The following KCTD1 variants were observed in gnomAD, a reference collection of about 807,000 sequenced individuals.
The protein encoded by KCTD1 is BTB/POZ domain-containing protein KCTD1.
A neutral mutation model predicts 66.0 loss-of-function variants in KCTD1; 24 were observed. That is an observed-to-expected ratio of 0.36 (90% CI 0.26 to 0.51). The LOEUF (loss-of-function observed/expected upper bound fraction) is 0.51. Among genes scored for constraint, KCTD1 ranks in the 20% least tolerant of loss-of-function variants. The pLI, the probability that KCTD1 is intolerant of heterozygous loss-of-function variation, is 0.95. For synonymous variants in KCTD1, 511 were observed against 517.2 expected, an observed-to-expected ratio of 0.99 and a Z score of 0.16; for missense variants, 943 against 1,205.2, an observed-to-expected ratio of 0.78 and a Z score of 3.22.
intron 1 of KCTD1, among the ~76,000 whole-genome samples, chr18:26,519,030 A>G (rs1386347584): frequency 6.6e-6 from 1 of 152,222 alleles, no homozygotes; most frequent in African/African-American, 2.4e-5. Flanking sequence ...TGAAGTTACT[A>G]ATTACAAGAA....
At chr18:26,496,992 C>T (rs1982510836) in intron 2 of KCTD1, among the ~76,000 whole-genome samples, 1 of 152,104 alleles carries the variant, frequency 6.6e-6, no homozygotes, top group Non-Finnish European at 1.5e-5. Flanking sequence ...TGGAGCAGGG[C>T]CTTGCATGGC....
At chr18:26,542,774 C>T (rs534889868) in intron 1 of KCTD1, among the ~76,000 whole-genome samples, 8 of 152,140 alleles carry the variant, frequency 5.3e-5, no homozygotes, top group Non-Finnish European at 1.5e-5. Context: ...TCCACTTTCT[C>T]CCTGGCAACA....
At chr18:26,465,196 G>A (rs1466755361) in intron 3 of KCTD1, among the ~76,000 whole-genome samples, 2 of 152,124 alleles carry the variant, frequency 1.3e-5, no homozygotes, top group African/African-American at 4.8e-5. Flanking sequence ...AGATTCTCCT[G>A]CCTCAGCCTC....
At chr18:26,626,445 G>C (rs903654329) in intron 1 of KCTD1, among the ~76,000 whole-genome samples, 3 of 150,600 alleles carry the variant, frequency 2.0e-5, no homozygotes, top group Admixed American at 2.0e-4. Context: ...ATCTGGGAGT[G>C]AGGGAAGGCT....
chr18:26,550,647 G>T (rs933658924), upstream of KCTD1, among the ~76,000 whole-genome samples: 1 of 151,798 alleles, frequency 6.6e-6, no homozygotes. This position sits in a 1 kb window ranked among gnomAD's most constrained non-coding sequence, Gnocchi z 5.4. Flanking sequence ...AACCGTCCGG[G>T]AATCGTCCCC....
chr18:26,558,482 A>C (rs1985761707), intron 1 of KCTD1, among the ~76,000 whole-genome samples: 1 of 152,244 alleles, frequency 6.6e-6, no homozygotes, highest in Non-Finnish European at 1.5e-5. Context: ...GGAAATCAGT[A>C]TATAGAAGAA....
At chr18:26,652,819 A>G (rs574270224) in intron 1 of KCTD1, among the ~76,000 whole-genome samples, 9 of 152,354 alleles carry the variant, frequency 5.9e-5, no homozygotes, top group African/African-American at 2.2e-4. Context: ...TCTCACTGCT[A>G]CTTAATCTGG....
At position 26,476,476 on chromosome 18, in the gene KCTD1, CAT is replaced by C. The variant is rs1389460802; in HGVS notation, c.2133+37_2133+38del. 1 of 1,564,862 alleles carries C rather than the reference CAT, an allele frequency of 6.4e-7. No homozygotes were observed. The highest frequency in any genetic ancestry group is 2.3e-5 in the East Asian group (1 of 44,230). ...TTTTTTGGAGCACATAAAAAAATCACATATTTATGCTATTGGTGATTTAACAT... is the reference window on the plus strand; with the variant it reads ...TTTTTTGGAGCACATAAAAAAATCACATTTATGCTATTGGTGATTTAACAT... On this transcript the variant is annotated intron_variant, in intron 3 of 4. Coordinates refer to ENST00000580059, the MANE Select transcript of KCTD1 (RefSeq NM_001142730.3). The surrounding 1 kb of genome is among the most constrained non-coding windows in gnomAD (Gnocchi z 4.9).
intron 1 of KCTD1, among the ~76,000 whole-genome samples, chr18:26,599,252 A>AGTT (rs1260315995): frequency 6.6e-6 from 1 of 152,170 alleles, no homozygotes; most frequent in African/African-American, 2.4e-5. Flanking sequence ...TTCCAGCAAA[A>AGTT]GTTGTTGAAA....
intron 1 of KCTD1, among the ~76,000 whole-genome samples, chr18:26,647,519 CAAAAAAAAAAAAAAAAAAAAAAAA>C (rs57856118): frequency 1.7e-5 from 1 of 57,306 alleles, no homozygotes; most frequent in African/African-American, 5.8e-5. Context: ...GACTCCATCT[CAAAAAAAAAAAAAAAAAAAAAAAA>C]AAAAAAAAAA....
upstream of KCTD1, chr18:26,549,072 CG>C: frequency 1.0e-6 from 1 of 985,076 alleles, no homozygotes; most frequent in Non-Finnish European, 1.2e-6. Context: ...GGTGCTGCCG[CG>C]GGAAACCCGT....
chr18:26,574,413 G>T (rs920917495), intron 1 of KCTD1, among the ~76,000 whole-genome samples: 1 of 152,126 alleles, frequency 6.6e-6, no homozygotes, highest in Non-Finnish European at 1.5e-5. Flanking sequence ...CACTAAAAAT[G>T]GTTCCCAGTT....
intron 1 of KCTD1, among the ~76,000 whole-genome samples, chr18:26,597,335 T>G (rs1265443350): frequency 6.6e-6 from 1 of 151,718 alleles, no homozygotes; most frequent in African/African-American, 2.4e-5. Context: ...AAACTTGAGG[T>G]GTGGAGACTG....
intron 1 of KCTD1, among the ~76,000 whole-genome samples, chr18:26,516,241 T>C (rs1983649654): frequency 6.6e-6 from 1 of 152,110 alleles, no homozygotes; most frequent in Non-Finnish European, 1.5e-5. Flanking sequence ...CAGACTAGTT[T>C]TACCTCCTCA....
chr18:26,476,769 T>G lies in KCTD1; in HGVS notation c.1989-110A>C. On this transcript the variant is annotated intron_variant, in intron 2 of 4. Coordinates refer to ENST00000580059, the MANE Select transcript of KCTD1 (RefSeq NM_001142730.3). The surrounding 1 kb of genome is among the most constrained non-coding windows in gnomAD (Gnocchi z 4.9). ...AAGGTAGCACTTTTGAAGATGGCAG[T>G]AGGGAAAAATTACGATTGTCTGCAA... 2.2e-6 allele frequency: 2 copies of G among 906,674 alleles called. No individual in the cohort carries two copies. The highest frequency in any genetic ancestry group is 3.4e-6 in the Non-Finnish European group (2 of 586,532). 56.2% of individuals were successfully genotyped at this position (906,674 alleles called of 1,614,324 possible). A position where few individuals can be genotyped will look rare whatever the true frequency, so the allele number is the denominator to read the frequency against.
chr18:26,635,736 T>C (rs976665528), intron 1 of KCTD1, among the ~76,000 whole-genome samples: 3 of 152,170 alleles, frequency 2.0e-5, no homozygotes, highest in Admixed American at 6.5e-5. Flanking sequence ...ACACAAACCA[T>C]AGTGCTTTGA....
chr18:26,490,469 T>G (rs956060854), intron 2 of KCTD1, among the ~76,000 whole-genome samples: 11 of 152,138 alleles, frequency 7.2e-5, no homozygotes, highest in Admixed American at 7.2e-4. Context: ...ACTAGAAAAT[T>G]CCTTTCTGGT....
upstream of KCTD1, chr18:26,549,644 G>T: frequency 3.3e-6 from 3 of 914,874 alleles, no homozygotes; most frequent in South Asian, 5.0e-5. Context: ...AAGGCCCATC[G>T]GGCAGGCGGA....
chr18:26,636,169 C>T (rs1049227102), intron 1 of KCTD1, among the ~76,000 whole-genome samples: 1 of 152,102 alleles, frequency 6.6e-6, no homozygotes, highest in East Asian at 1.9e-4. Flanking sequence ...CTAGGACTGC[C>T]GTGAAGAGAG....
Sources: allele counts gnomAD v4.1 joint callset (sites outside exome capture counted in the v4.1 genomes callset), GRCh38; gene constraint gnomAD v4.1.1; non-coding constraint Gnocchi (gnomAD v3.1); transcripts MANE v1.5; gene names NCBI Gene and HGNC (gene_info 2026-07-23, HGNC 2026-07-21).